The following JADE3 variants were observed in gnomAD, a reference collection of about 807,000 sequenced individuals.
The protein encoded by JADE3 is jade family PHD finger 3.
In JADE3, 2 loss-of-function variants were observed where a neutral mutation model predicts 50.1. The ratio of observed to expected loss-of-function variants is 0.04; its 90% CI spans 0.02 to 0.13. JADE3 has a LOEUF of 0.13. JADE3 is among the 10% of genes least tolerant of loss of function. JADE3 has a pLI of 1.00. For synonymous variants in JADE3, 218 were observed against 232.9 expected, an observed-to-expected ratio of 0.94 and a Z score of 0.58; for missense variants, 475 against 634.4, an observed-to-expected ratio of 0.75 and a Z score of 2.70.
chrX:47,021,510 A>G (rs1346037855), intron 4 of JADE3, among the ~76,000 whole-genome samples: 7 of 111,475 alleles, frequency 6.3e-5, no homozygotes, highest in Non-Finnish European at 1.1e-4. Flanking sequence ...TTCAGCTATA[A>G]TATCTGCTGC....
chrX:47,021,994 C>A (rs1928805429), intron 4 of JADE3, among the ~76,000 whole-genome samples: 1 of 112,170 alleles, frequency 8.9e-6, no homozygotes, highest in Middle Eastern at 4.6e-3. Flanking sequence ...TTTAAAATAT[C>A]TTTGCCTGCC....
intron 1 of JADE3, among the ~76,000 whole-genome samples, chrX:46,940,841 C>T (rs958637643): frequency 2.7e-5 from 3 of 111,907 alleles, no homozygotes; most frequent in Admixed American, 9.5e-5. Flanking sequence ...TTTTTTAAGG[C>T]ACAAATCATC....
chrX:47,038,105 G>A (rs782762409), intron 7 of JADE3, among the ~76,000 whole-genome samples: 3 of 111,809 alleles, frequency 2.7e-5, no homozygotes, highest in African/African-American at 3.3e-5. Flanking sequence ...TTCTGTCCAC[G>A]TTGTTGGAAA....
At chrX:46,981,727 C>T (rs1388873107) in intron 1 of JADE3, among the ~76,000 whole-genome samples, 2 of 112,245 alleles carry the variant, frequency 1.8e-5, no homozygotes, top group East Asian at 5.5e-4. Context: ...ATGCAGCTTA[C>T]CCACTTAAAG....
chrX:46,922,560 T>C, intron 1 of JADE3, among the ~76,000 whole-genome samples: 1 of 111,181 alleles, frequency 9.0e-6, no homozygotes, highest in Non-Finnish European at 1.9e-5. Flanking sequence ...TCTTTTTAAT[T>C]TTTATTGACT....
At chrX:47,013,112 A>C (rs1928596613) in intron 4 of JADE3, among the ~76,000 whole-genome samples, 1 of 112,268 alleles carries the variant, frequency 8.9e-6, no homozygotes, top group Non-Finnish European at 1.9e-5. Context: ...TCCTGGGCTC[A>C]AGCAATCCTC....
chrX:47,052,175 A>T (rs1365893816), intron 8 of JADE3, among the ~76,000 whole-genome samples: 1 of 111,183 alleles, frequency 9.0e-6, no homozygotes, highest in African/African-American at 3.3e-5. Flanking sequence ...GAAGCACAGG[A>T]GTATAGTAGT....
At chrX:47,042,764 G>T (rs782143641) in intron 8 of JADE3, among the ~76,000 whole-genome samples, 2 of 111,359 alleles carry the variant, frequency 1.8e-5, no homozygotes, top group Admixed American at 9.5e-5. Flanking sequence ...CCCACCCAAG[G>T]CCAGGAGGAA....
At chrX:47,006,242 A>G (rs782421850) in intron 4 of JADE3, among the ~76,000 whole-genome samples, 1 of 109,916 alleles carries the variant, frequency 9.1e-6, no homozygotes, top group East Asian at 2.8e-4. Flanking sequence ...TTCTTGCTAT[A>G]GGTTGGTCAG....
At chrX:47,038,354 GT>G (rs1186665837) in intron 7 of JADE3, among the ~76,000 whole-genome samples, 1 of 109,977 alleles carries the variant, frequency 9.1e-6, no homozygotes, top group Non-Finnish European at 1.9e-5. Flanking sequence ...TATTTTTTGT[GT>G]TTTTTTTAGA....
At chrX:47,050,609 A>C (rs1232591453) in intron 8 of JADE3, among the ~76,000 whole-genome samples, 1 of 111,854 alleles carries the variant, frequency 8.9e-6, no homozygotes. Context: ...AGTTTCCTAA[A>C]AGGTATTATA....
At position 47,007,794 on chromosome X, in the gene JADE3, G is replaced by A. The variant is rs190203819; in HGVS notation, c.284+9517G>A. Among the ~76,000 whole-genome samples, 148 of 97,511 alleles carry A rather than the reference G, an allele frequency of 1.5e-3. 1 individual carries two copies. Among genetic ancestry groups the A allele is most frequent in the African/African-American group, 5.5e-3 (142 of 25,890 alleles). The allele number at this position is 97,511 out of a possible 115,157, so 84.7% of individuals were successfully genotyped here. The stretch of plus-strand genomic sequence containing the variant: ...ATTATTAATATGTTAGGACTTCAGC[G>A]TGTCCTTTTATTTTGTGTGTGTGTG... On this transcript the variant is annotated intron_variant, in intron 4 of 10. Coordinates refer to ENST00000614628, the MANE Select transcript of JADE3 (RefSeq NM_014735.5).
chrX:46,913,029 C>T (rs1191213820), intron 1 of JADE3: 1 of 112,105 alleles, frequency 8.9e-6, no homozygotes, highest in Non-Finnish European at 1.9e-5. Flanking sequence ...CAGCTCCCGG[C>T]TACACCGGGC....
At chrX:47,013,420 A>T (rs1484525901) in intron 4 of JADE3, among the ~76,000 whole-genome samples, 1 of 112,247 alleles carries the variant, frequency 8.9e-6, no homozygotes, top group Non-Finnish European at 1.9e-5. Flanking sequence ...CACTCTGTCC[A>T]AATATAAGGG....
Position 46,940,060 on chromosome X carries a change from T to C in JADE3, c.-12+27341T>C, listed in dbSNP as rs1168972887. Among the ~76,000 whole-genome samples, 7 of 112,328 alleles carry C rather than the reference T, an allele frequency of 6.2e-5. No individual in the cohort carries two copies. The South Asian group carries it at 1.1e-3, about 18-fold the overall frequency. On this transcript the variant is annotated intron_variant, in intron 1 of 10. Coordinates refer to ENST00000614628, the MANE Select transcript of JADE3 (RefSeq NM_014735.5). ...CAAATAGCCTGCAAAGCAAAAAATA[T>C]TTACTGATTAGCCCTTTACAGAAAA...
chrX:47,017,664 A>G (rs782759635), intron 4 of JADE3, among the ~76,000 whole-genome samples: 171 of 112,133 alleles, frequency 1.5e-3, no homozygotes, highest in Middle Eastern at 4.6e-3. Flanking sequence ...GGATTGTTCT[A>G]TAACTTGCTT....
chrX:46,966,391 C>T (rs1927369665), intron 1 of JADE3, among the ~76,000 whole-genome samples: 2 of 111,431 alleles, frequency 1.8e-5, no homozygotes, highest in African/African-American at 3.3e-5. Flanking sequence ...TTTCGCCTTT[C>T]CTTTCTATCT....
chrX:47,040,828 G>A (rs1244530957), intron 8 of JADE3, among the ~76,000 whole-genome samples: 1 of 108,735 alleles, frequency 9.2e-6, no homozygotes, highest in Non-Finnish European at 1.9e-5. Flanking sequence ...TCTAGACCTG[G>A]GATTAGCTAT....
At chrX:46,979,672 C>G (rs1444834456) in intron 1 of JADE3, among the ~76,000 whole-genome samples, 1 of 110,652 alleles carries the variant, frequency 9.0e-6, no homozygotes, top group Non-Finnish European at 1.9e-5. Context: ...TTCCCACAAG[C>G]CATGTACGAG....
Sources: gnomAD v4.1 joint callset for allele counts (sites outside exome capture counted in the v4.1 genomes callset) on GRCh38, gnomAD v4.1.1 for gene constraint, MANE v1.5 for transcripts, NCBI Gene and HGNC (gene_info 2026-07-23, HGNC 2026-07-21) for gene names.